The following LRRC3B variants were observed in gnomAD, a reference collection of about 807,000 sequenced individuals.
The protein encoded by LRRC3B is leucine rich repeat containing 3B.
In LRRC3B, 2 loss-of-function variants were observed where a neutral mutation model predicts 12.8. That is an observed-to-expected ratio of 0.16 (90% CI 0.06 to 0.49). The LOEUF is 0.49. Among genes scored for constraint, LRRC3B ranks in the 20% least tolerant of loss-of-function variants. LRRC3B has a pLI of 0.96. For missense variants in LRRC3B, 189 were observed against 319.4 expected, an observed-to-expected ratio of 0.59 and a Z score of 3.11; for synonymous variants, 132 against 122.0, an observed-to-expected ratio of 1.08 and a Z score of -0.54.
At chr3:26,680,234 T>A (rs1699944098) in intron 1 of LRRC3B, among the ~76,000 whole-genome samples, 1 of 152,006 alleles carries the variant, frequency 6.6e-6, no homozygotes, top group African/African-American at 2.4e-5. Flanking sequence ...CAATACCACC[T>A]CTCCACCCCC....
At chr3:26,670,087 T>C (rs970738078) in intron 1 of LRRC3B, among the ~76,000 whole-genome samples, 2 of 152,210 alleles carry the variant, frequency 1.3e-5, no homozygotes, top group African/African-American at 2.4e-5. Context: ...TCCATGCTAA[T>C]CACTTTTTTT....
intron 1 of LRRC3B, among the ~76,000 whole-genome samples, chr3:26,662,731 A>G (rs540827029): frequency 1.4e-4 from 22 of 152,200 alleles, no homozygotes; most frequent in Admixed American, 1.2e-3. Flanking sequence ...GAGTCCTACC[A>G]CTGCTTCTTC....
intron 1 of LRRC3B, among the ~76,000 whole-genome samples, chr3:26,706,936 T>G (rs1484560743): frequency 6.6e-6 from 1 of 152,194 alleles, no homozygotes; most frequent in Non-Finnish European, 1.5e-5. Context: ...TGTTGCTTTA[T>G]TCATATAACA....
chr3:26,669,466 AT>A (rs1460093360), intron 1 of LRRC3B, among the ~76,000 whole-genome samples: 1 of 152,204 alleles, frequency 6.6e-6, no homozygotes, highest in Non-Finnish European at 1.5e-5. Context: ...TCAAGCAAAA[AT>A]ATTGTCTAAA....
chr3:26,676,266 A>G (rs1699859437), intron 1 of LRRC3B, among the ~76,000 whole-genome samples: 1 of 119,222 alleles, frequency 8.4e-6, no homozygotes, highest in Non-Finnish European at 1.6e-5. Context: ...CTGGTGTGTG[A>G]TGTTCCCCTT....
chr3:26,706,920 A>G (rs904721466), intron 1 of LRRC3B, among the ~76,000 whole-genome samples: 4 of 152,226 alleles, frequency 2.6e-5, no homozygotes, highest in African/African-American at 7.2e-5. Context: ...AGACTCTTCA[A>G]TATTTTGTTG....
chr3:26,709,720 C>T (rs762986033), exon 2 of LRRC3B: 1 of 1,614,070 alleles, frequency 6.2e-7, no homozygotes, highest in Admixed American at 1.7e-5. Context: ...CCATGTGTCT[C>T]CTCCTACAAA....
rs374295902 is a variant in LRRC3B at position 26,639,748 on chromosome 3, C to A, written c.-161+16511C>A. 6.6e-5 allele frequency among the ~76,000 whole-genome samples: 10 copies of A among 152,190 alleles called. No homozygotes were observed. The East Asian group carries it at 1.7e-3, about 26-fold the overall frequency. On this transcript the variant is annotated intron_variant, in intron 1 of 1. Coordinates refer to ENST00000396641, the Ensembl canonical transcript of LRRC3B. ...AAATGTTAGAGTCCTGCTTGTCTTT[C>A]CAGTTTTTAGTTGTCTTTTCTATGA...
At position 26,649,780 on chromosome 3, in the gene LRRC3B, A is replaced by G. The variant is rs148450528; in HGVS notation, c.-161+26543A>G. On this transcript the variant is annotated intron_variant, in intron 1 of 1. Coordinates refer to ENST00000396641, the Ensembl canonical transcript of LRRC3B. ...GCCAAATTCCTTAGCCTGGCATCTAAGGCCACCCTATGGGCCCGTTCTTCT... is the reference window on the plus strand; with the variant it reads ...GCCAAATTCCTTAGCCTGGCATCTAGGGCCACCCTATGGGCCCGTTCTTCT... Among the ~76,000 whole-genome samples, 335 of 152,284 alleles carry G rather than the reference A, an allele frequency of 2.2e-3. 1 individual carries two copies. Among genetic ancestry groups the G allele is most frequent in the African/African-American group, 6.3e-3 (261 of 41,560 alleles).
intron 1 of LRRC3B, among the ~76,000 whole-genome samples, chr3:26,679,990 TTTC>T (rs1390545590): frequency 2.0e-5 from 3 of 152,330 alleles, no homozygotes; most frequent in Non-Finnish European, 2.9e-5. Flanking sequence ...CTCACTTGCT[TTTC>T]TTCTTCAGCC....
chr3:26,698,942 T>C (rs1700385040), intron 1 of LRRC3B, among the ~76,000 whole-genome samples: 1 of 152,188 alleles, frequency 6.6e-6, no homozygotes, highest in South Asian at 2.1e-4. Flanking sequence ...GCATTTTCTT[T>C]AAATCCAGAA....
intron 1 of LRRC3B, among the ~76,000 whole-genome samples, chr3:26,642,630 C>T (rs1425454532): frequency 6.6e-6 from 1 of 152,128 alleles, no homozygotes; most frequent in Non-Finnish European, 1.5e-5. Flanking sequence ...GCCTGTTTCT[C>T]TACAGGCTTT....
chr3:26,630,578 T>A (rs1178768116), intron 1 of LRRC3B, among the ~76,000 whole-genome samples: 1 of 152,224 alleles, frequency 6.6e-6, no homozygotes, highest in Non-Finnish European at 1.5e-5. Context: ...CTGTGGCAGC[T>A]GTATTGTGAT....
chr3:26,658,943 CAATT>C (rs1385816417), intron 1 of LRRC3B, among the ~76,000 whole-genome samples: 1 of 152,174 alleles, frequency 6.6e-6, no homozygotes, highest in African/African-American at 2.4e-5. Context: ...GATCTGCAGA[CAATT>C]AAGGATCTGG....
At chr3:26,630,404 A>G (rs1324250686) in intron 1 of LRRC3B, among the ~76,000 whole-genome samples, 1 of 152,204 alleles carries the variant, frequency 6.6e-6, no homozygotes, top group African/African-American at 2.4e-5. Context: ...TATAGCACAA[A>G]CCAATTTTAT....
chr3:26,689,171 TTTC>T (rs945254344), intron 1 of LRRC3B, among the ~76,000 whole-genome samples: 1 of 152,200 alleles, frequency 6.6e-6, no homozygotes, highest in Non-Finnish European at 1.5e-5. Flanking sequence ...AATGATGTCT[TTTC>T]TTCTAAGTTG....
intron 1 of LRRC3B, among the ~76,000 whole-genome samples, chr3:26,649,903 T>C (rs763876782): frequency 6.6e-6 from 1 of 152,116 alleles, no homozygotes; most frequent in Non-Finnish European, 1.5e-5. Flanking sequence ...ATAGCCCCGA[T>C]GTAGCCCCCA....
chr3:26,686,246 A>AT (rs1187635656), intron 1 of LRRC3B, among the ~76,000 whole-genome samples: 3 of 151,738 alleles, frequency 2.0e-5, no homozygotes, highest in Non-Finnish European at 4.4e-5. Flanking sequence ...CGCCCGGCTA[A>AT]TTTTTTGTAT....
rs115161917 is a variant in LRRC3B, at chr3:26,702,802, G to A, written c.-160-6711G>A. ...ATCTGAATTAGGAAAGAGGCCATGA[G>A]AATGCAAAGCAAGGGACACGTAGAA... is the stretch of plus-strand genomic sequence containing the variant. On this transcript the variant is annotated intron_variant, in intron 1 of 1. Coordinates refer to ENST00000396641, the Ensembl canonical transcript of LRRC3B. 9.5e-3 allele frequency among the ~76,000 whole-genome samples: 1,443 copies of A among 152,234 alleles called. 8 individuals are homozygous for A. Among genetic ancestry groups the A allele is most frequent in the Non-Finnish European group, 0.013 (918 of 68,008 alleles).
Sources: gnomAD v4.1 joint callset for allele counts (sites outside exome capture counted in the v4.1 genomes callset) on GRCh38, gnomAD v4.1.1 for gene constraint, MANE v1.5 for transcripts, NCBI Gene and HGNC (gene_info 2026-07-23, HGNC 2026-07-21) for gene names.